The following MYPN variants were observed in gnomAD, a reference collection of about 807,000 sequenced individuals.
MYPN encodes sarcomeric protein myopalladin, 145 kDa (MYOP).
MYPN carries 63 observed loss-of-function variants against 129.4 expected under a neutral mutation model. That is an observed-to-expected ratio of 0.49 (90% confidence interval 0.40 to 0.60). The LOEUF is 0.60. MYPN is among the 20% of genes least tolerant of loss of function. The pLI, the probability that MYPN is intolerant of heterozygous loss-of-function variation, is 0.00. For synonymous variants in MYPN, 629 were observed against 600.9 expected (o/e 1.05, Z -0.68); for missense variants, 1,596 against 1,635.4 (o/e 0.98, Z 0.42).
At chr10:68,095,831 G>A (rs1421676167) in intron 1 of MYPN, among the ~76,000 whole-genome samples, 1 of 152,132 alleles carries the variant, frequency 6.6e-6, no homozygotes, top group Admixed American at 6.6e-5. Context: ...GATTCTGGAG[G>A]TGGGTGGTGA....
At chr10:68,157,875 C>A (rs796382061) in intron 6 of MYPN, among the ~76,000 whole-genome samples, 1 of 148,214 alleles carries the variant, frequency 6.7e-6, no homozygotes, top group African/African-American at 2.5e-5. Flanking sequence ...AAAACACCCC[C>A]GACCAATAAA....
intron 12 of MYPN, among the ~76,000 whole-genome samples, chr10:68,180,580 T>C (rs184955436): frequency 9.2e-5 from 14 of 152,356 alleles, no homozygotes; most frequent in Non-Finnish European, 1.3e-4. Context: ...CACACAGTGC[T>C]TTCTTTTACT....
chr10:68,104,148 T>C (rs1375809552), upstream of MYPN, among the ~76,000 whole-genome samples: 4 of 152,206 alleles, frequency 2.6e-5, no homozygotes, highest in African/African-American at 9.6e-5. Context: ...AGAATACACT[T>C]GTAAGAAATG....
chr10:68,094,205 A>G (rs989862559), intron 1 of MYPN, among the ~76,000 whole-genome samples: 7 of 152,048 alleles, frequency 4.6e-5, no homozygotes, highest in African/African-American at 1.4e-4. Flanking sequence ...TCCTGTGACT[A>G]AGAATGCCTA....
At chr10:68,133,171 GC>G (rs1247497949) in intron 2 of MYPN, among the ~76,000 whole-genome samples, 4 of 151,832 alleles carry the variant, frequency 2.6e-5, no homozygotes, top group Admixed American at 6.6e-5. Context: ...GATTACAGGT[GC>G]CTGCCATCAT....
intron 8 of MYPN, chr10:68,165,333 T>G: frequency 2.6e-6 from 1 of 387,942 alleles, no homozygotes; most frequent in South Asian, 2.0e-5. Context: ...ATGCCTGTAG[T>G]CCCAGCTACT....
chr10:68,115,582 C>G (rs2042145829), intron 1 of MYPN, among the ~76,000 whole-genome samples: 2 of 152,188 alleles, frequency 1.3e-5, no homozygotes, highest in African/African-American at 4.8e-5. Context: ...GTTGCAATTG[C>G]CTCCTAACTG....
intron 2 of MYPN, among the ~76,000 whole-genome samples, chr10:68,139,482 C>A (rs181750742): frequency 1.3e-5 from 2 of 152,214 alleles, no homozygotes; most frequent in East Asian, 1.9e-4. Flanking sequence ...TTAAAAAATT[C>A]TTTTATTCTC....
At chr10:68,155,445 G>A (rs939601069) in intron 6 of MYPN, among the ~76,000 whole-genome samples, 36 of 152,166 alleles carry the variant, frequency 2.4e-4, no homozygotes, top group African/African-American at 8.2e-4. Flanking sequence ...CTGCATACCT[G>A]AGGAGGTTGT....
At chr10:68,113,658 C>A (rs1391549469) in intron 1 of MYPN, among the ~76,000 whole-genome samples, 1 of 149,710 alleles carries the variant, frequency 6.7e-6, no homozygotes, top group Non-Finnish European at 1.5e-5. Context: ...GACTGCACCA[C>A]TATACCCCAG....
At chr10:68,115,790 T>C (rs2042149235) in intron 1 of MYPN, among the ~76,000 whole-genome samples, 1 of 152,230 alleles carries the variant, frequency 6.6e-6, no homozygotes. Context: ...GCCCTCATTT[T>C]CTTTGGCTCT....
chr10:68,127,397 C>T (rs945658903), intron 2 of MYPN, among the ~76,000 whole-genome samples: 4 of 128,254 alleles, frequency 3.1e-5, no homozygotes, highest in African/African-American at 1.2e-4. Flanking sequence ...TGCAGTGGCA[C>T]AATCTTGGCT....
intron 3 of MYPN, among the ~76,000 whole-genome samples, chr10:68,144,314 C>T (rs1029621201): frequency 6.6e-6 from 1 of 151,974 alleles, no homozygotes; most frequent in African/African-American, 2.4e-5. Context: ...CTTATGTATG[C>T]CTTGGTTTTA....
intron 2 of MYPN, among the ~76,000 whole-genome samples, chr10:68,127,082 TCAAGCAATTCCCCTGCCTC>T (rs1240297471): frequency 3.4e-4 from 52 of 151,972 alleles, no homozygotes; most frequent in Non-Finnish European, 5.6e-4. Flanking sequence ...CCTCCTGGGT[TCAAGCAATTCCCCTGCCTC>T]CAAGCAATTC....
rs539288142 is a variant in MYPN at position 68,153,944 on chromosome 10, C to T, written c.1317+3833C>T. Among the ~76,000 whole-genome samples the T allele has an allele frequency of 2.5e-3, 385 of 150,994 alleles. 2 individuals are homozygous for T. Among genetic ancestry groups the T allele is most frequent in the African/African-American group, 9.1e-3 (372 of 41,034 alleles). On this transcript the variant is annotated intron_variant, in intron 6 of 19. Transcript: ENST00000358913. ...CCAGTTTTTTTTTTTTTTAAAGCAA[C>T]GCTTAGCGAGCAGAGTTTTATTTAA...
chr10:68,166,225 C>T, intron 9 of MYPN, 69 bp from the exon 10 acceptor site: 1 of 1,588,000 alleles, frequency 6.3e-7, no homozygotes, highest in African/African-American at 1.3e-5. Flanking sequence ...AACACTTTCC[C>T]ATTTGTGCAC....
intron 12 of MYPN, among the ~76,000 whole-genome samples, chr10:68,181,243 G>A (rs1283985853): frequency 6.6e-6 from 1 of 152,168 alleles, no homozygotes; most frequent in African/African-American, 2.4e-5. Flanking sequence ...ACAGTGGATT[G>A]ATAGTGAAAC....
At chr10:68,194,678 C>T (rs2043575086) in intron 14 of MYPN, among the ~76,000 whole-genome samples, 166 bp downstream of exon 14, 1 of 152,192 alleles carries the variant, frequency 6.6e-6, no homozygotes, top group Middle Eastern at 3.2e-3. Context: ...ACTTAAAGGA[C>T]TAGTTAGCCA....
chr10:68,162,353 C>T (rs1195394768), intron 8 of MYPN, among the ~76,000 whole-genome samples: 1 of 152,182 alleles, frequency 6.6e-6, no homozygotes, highest in African/African-American at 2.4e-5. Context: ...TTTGAGCCCT[C>T]TCAAAACTAG....
Sources: allele counts gnomAD v4.1 joint callset (sites outside exome capture counted in the v4.1 genomes callset), GRCh38; gene constraint gnomAD v4.1.1; transcripts MANE v1.5; gene names NCBI Gene and HGNC (gene_info 2026-07-23, HGNC 2026-07-21).